RYR2: variants seen among roughly 807,000 people sequenced by gnomAD.
The protein encoded by RYR2 is cardiac muscle ryanodine receptor-calcium release channel.
RYR2 carries 227 observed loss-of-function variants against 601.1 expected under a neutral mutation model. The observed-to-expected ratio is 0.38, with a 90% CI of 0.34 to 0.42. The LOEUF (loss-of-function observed/expected upper bound fraction) is 0.42. Among genes scored for constraint, RYR2 ranks in the 10% least tolerant of loss-of-function variants. The probability of loss-of-function intolerance (pLI) is 1.00; values close to 1 mark genes in which losing one functional copy is unlikely to be tolerated. For synonymous variants in RYR2, 2,223 were observed against 2,175.1 expected, an observed-to-expected ratio of 1.02 and a Z score of -0.61; for missense variants, 4,646 against 6,156.5, an observed-to-expected ratio of 0.75 and a Z score of 8.21.
chr1:237,564,785 C>T (rs1183048255), intron 27 of RYR2, among the ~76,000 whole-genome samples: 1 of 152,286 alleles, frequency 6.6e-6, no homozygotes, highest in East Asian at 1.9e-4. Context: ...TCAGTTAGTT[C>T]TACATTCAGT....
chr1:237,090,153 A>G (rs563672303), intron 1 of RYR2, among the ~76,000 whole-genome samples: 10 of 152,234 alleles, frequency 6.6e-5, no homozygotes, highest in East Asian at 3.9e-4. Flanking sequence ...CCATGATTCA[A>G]TTACCTCCCA....
In RYR2 at chr1:237,648,576, T is replaced by C. The variant is rs753826382; in HGVS notation, c.7475T>C (p.Phe2492Ser). The change falls in exon 49 of 105, where the codon TTT becomes TCT. Residue 2492 changes from phenylalanine (F) to serine (S), a missense_variant. Phe to Ser is a radical substitution (Grantham distance 155). Coordinates refer to ENST00000366574, the MANE Select transcript of RYR2 (RefSeq NM_001035.3). Reference protein sequence around the residue: ...DFLLHLLEVGFLPDLRAAASL... With the variant: ...DFLLHLLEVGSLPDLRAAASL... The stretch of plus-strand genomic sequence containing the variant: ...CTCCTCCATCTTCTTGAGGTTGGCT[T>C]TCTGCCAGATCTCCGGGCGGCTGCT... The C allele has an allele frequency of 6.2e-7, 1 of 1,611,042 alleles. No individual in the cohort carries two copies. The highest frequency in any genetic ancestry group is 8.5e-7 in the Non-Finnish European group (1 of 1,178,560).
intron 2 of RYR2, among the ~76,000 whole-genome samples, chr1:237,304,525 C>T (rs1426424596): frequency 2.6e-5 from 4 of 152,130 alleles, no homozygotes; most frequent in Admixed American, 1.3e-4. Flanking sequence ...TCACTTGGGC[C>T]GTCTGTTTCA....
chr1:237,217,699 TG>T (rs1683343590), intron 1 of RYR2, among the ~76,000 whole-genome samples: 1 of 71,462 alleles, frequency 1.4e-5, no homozygotes. Flanking sequence ...GTGAAGTAGT[TG>T]TGTTTGTGTC....
At chr1:237,627,733 T>C (rs1679830623) in intron 40 of RYR2, 74 bp from the exon 41 acceptor site, 1 of 1,419,604 alleles carries the variant, frequency 7.0e-7, no homozygotes. Context: ...GGGTACAGGA[T>C]ATGGACTTGA....
intron 56 of RYR2, among the ~76,000 whole-genome samples, chr1:237,661,699 C>T (rs1282338737): frequency 6.6e-6 from 1 of 152,138 alleles, no homozygotes; most frequent in Non-Finnish European, 1.5e-5. Context: ...CACAAGGGCG[C>T]TCCTGTCTGC....
chr1:237,715,122 T>A (rs886910220), intron 71 of RYR2, among the ~76,000 whole-genome samples: 4 of 149,146 alleles, frequency 2.7e-5, no homozygotes, highest in African/African-American at 9.8e-5. Flanking sequence ...TCATATCTGA[T>A]CCAAATGCAC....
chr1:237,705,355 A>G lies in RYR2; in HGVS notation c.9580+12A>G. The G allele has an allele frequency of 6.3e-7, 1 of 1,598,078 alleles. No homozygotes were observed. Among genetic ancestry groups the G allele is most frequent in the Non-Finnish European group, 8.5e-7 (1 of 1,170,426 alleles). ...ACGAGAAAGAGCAGGTAACACAGAA[A>G]CATGTGCAGTGCTTTGAGATATGAA... On this transcript the variant is annotated intron_variant, in intron 67 of 104. Coordinates refer to ENST00000366574, the MANE Select transcript of RYR2 (RefSeq NM_001035.3).
chr1:237,788,196 T>C (rs1657895381), intron 92 of RYR2, 61 bp downstream of exon 92: 1 of 1,387,654 alleles, frequency 7.2e-7, no homozygotes, highest in Non-Finnish European at 9.8e-7. Context: ...TAATTTAGGC[T>C]CAGTAAATGT....
chr1:237,792,593 G>A (rs1658591339), intron 94 of RYR2, among the ~76,000 whole-genome samples: 1 of 152,178 alleles, frequency 6.6e-6, no homozygotes, highest in African/African-American at 2.4e-5. Flanking sequence ...CGTCTCCAAA[G>A]CTGGGATGCC....
chr1:237,584,673 T>TTTTTTTA (rs1674326095), intron 29 of RYR2, among the ~76,000 whole-genome samples: 1 of 146,662 alleles, frequency 6.8e-6, no homozygotes, highest in African/African-American at 2.5e-5. Flanking sequence ...TTTTTTTTTT[T>TTTTTTTA]GAGACAGGGT....
chr1:237,625,259 G>A (rs560818913), intron 39 of RYR2, among the ~76,000 whole-genome samples: 2 of 152,232 alleles, frequency 1.3e-5, no homozygotes, highest in East Asian at 1.9e-4. Flanking sequence ...AATTTTTGGA[G>A]GCAAGAGAGG....
At chr1:237,215,226 A>G (rs1193382307) in intron 1 of RYR2, among the ~76,000 whole-genome samples, 1 of 152,164 alleles carries the variant, frequency 6.6e-6, no homozygotes, top group African/African-American at 2.4e-5. Flanking sequence ...CATTGGCAGG[A>G]TCTGAGTGAG....
At chr1:237,102,879 G>T (rs1011142592) in intron 1 of RYR2, among the ~76,000 whole-genome samples, 1 of 152,108 alleles carries the variant, frequency 6.6e-6, no homozygotes, top group Admixed American at 6.6e-5. Context: ...ATTTGATAGA[G>T]AAAATTTTTG....
In RYR2 at chr1:237,385,683, T is replaced by TGC. The variant is rs1476569929; in HGVS notation, c.577-1597_577-1596dup. Among the ~76,000 whole-genome samples, 11 of 152,378 alleles carry TGC rather than the reference T, an allele frequency of 7.2e-5. 1 individual carries two copies. The East Asian group carries it at 2.1e-3, about 29-fold the overall frequency. ...ATTCACATGGATTTGTATGTGTGTG[T>TGC]GCCTGTGCACGTGCTTTTTTTTACA... On this transcript the variant is annotated intron_variant, in intron 8 of 104. Coordinates refer to ENST00000366574, the MANE Select transcript of RYR2 (RefSeq NM_001035.3).
intron 26 of RYR2, 96 bp downstream of exon 26, chr1:237,548,686 G>A: frequency 7.0e-7 from 1 of 1,422,094 alleles, no homozygotes; most frequent in South Asian, 1.4e-5. Context: ...TTTAAAACTT[G>A]TATCATATAG....
intron 1 of RYR2, among the ~76,000 whole-genome samples, chr1:237,237,737 C>T (rs1408650229): frequency 6.6e-6 from 1 of 152,152 alleles, no homozygotes; most frequent in Non-Finnish European, 1.5e-5. Flanking sequence ...GAATCCCTTA[C>T]CCACTCCTAG....
At chr1:237,289,520 G>A (rs1487097094) in intron 2 of RYR2, among the ~76,000 whole-genome samples, 6 of 152,174 alleles carry the variant, frequency 3.9e-5, no homozygotes, top group Admixed American at 3.3e-4. Context: ...GAGAAGTGCT[G>A]TGCAAAGAGG....
At chr1:237,117,736 T>TCTTCTCTTCTCTTCTCTTCC (rs1670286337) in intron 1 of RYR2, among the ~76,000 whole-genome samples, 3 of 142,764 alleles carry the variant, frequency 2.1e-5, no homozygotes, top group African/African-American at 8.0e-5. Context: ...TCTTCTCTTC[T>TCTTCTCTTCTCTTCTCTTCC]CTTCTCTTCT....
Sources: gnomAD v4.1 joint callset for allele counts (sites outside exome capture counted in the v4.1 genomes callset) on GRCh38, gnomAD v4.1.1 for gene constraint, MANE v1.5 for transcripts, NCBI Gene and HGNC (gene_info 2026-07-23, HGNC 2026-07-21) for gene names.